Variants in GCNT1 observed in about 807,000 individuals in gnomAD.
GCNT1 encodes beta-1,3-galactosyl-O-glycosyl-glycoprotein beta-1,6-N-acetylglucosaminyltransferase.
GCNT1 carries 16 observed loss-of-function variants against 26.2 expected under a neutral mutation model. The observed-to-expected ratio is 0.61, with a 90% CI of 0.41 to 0.93. GCNT1 has a LOEUF of 0.93. Among genes scored for constraint, GCNT1 ranks in the 40% least tolerant of loss-of-function variants. GCNT1 has a pLI of 0.00. For missense variants in GCNT1, 477 were observed against 526.7 expected (o/e 0.91, Z 0.92); for synonymous variants, 183 against 190.8 (o/e 0.96, Z 0.34).
rs372805511 is a variant in GCNT1 at position 76,502,367 on chromosome 9, T to C, written c.-15T>C. The C allele has an allele frequency of 6.3e-7, 1 of 1,586,942 alleles. No homozygotes were observed. Among genetic ancestry groups the C allele is most frequent in the African/African-American group, 1.3e-5 (1 of 74,270 alleles). On this transcript the variant is annotated 5_prime_UTR_variant, in exon 4 of 4. Transcript: ENST00000376730. The stretch of plus-strand genomic sequence containing the variant: ...GACTGCCCTTCACAAAGGAAATCCC[T>C]GATTATTGTTTGAAATGCTGAGGAC...
intron 1 of GCNT1, among the ~76,000 whole-genome samples, chr9:76,420,379 T>A (rs1823173266): frequency 6.6e-6 from 1 of 152,042 alleles, no homozygotes; most frequent in Non-Finnish European, 1.5e-5. Context: ...GGCCAAGTAA[T>A]CCTCCTCCCT....
chr9:76,441,914 T>A (rs995055982), exon 1 of GCNT1: 4 of 152,224 alleles, frequency 2.6e-5, no homozygotes, highest in Non-Finnish European at 4.4e-5. Context: ...CATGATTTTT[T>A]AAAAACTTAA....
intron 1 of GCNT1, among the ~76,000 whole-genome samples, chr9:76,422,215 G>A (rs1374405158): frequency 1.3e-5 from 2 of 152,012 alleles, no homozygotes; most frequent in African/African-American, 2.4e-5. Context: ...GAGATTATGG[G>A]AATTAAAATT....
chr9:76,467,738 C>T (rs548898744), intron 2 of GCNT1, among the ~76,000 whole-genome samples: 1 of 151,748 alleles, frequency 6.6e-6, no homozygotes, highest in Non-Finnish European at 1.5e-5. Context: ...AAGGCTGAGA[C>T]CAATTGTGTA....
chr9:76,414,708 G>T, the GCNT1 span, among the ~76,000 whole-genome samples: 2 of 152,282 alleles, frequency 1.3e-5, no homozygotes, highest in Non-Finnish European at 2.9e-5. Context: ...GTGCTAGTGG[G>T]AGTGTCTTTT....
At chr9:76,476,469 G>A (rs1824255242) in intron 2 of GCNT1, among the ~76,000 whole-genome samples, 1 of 151,174 alleles carries the variant, frequency 6.6e-6, no homozygotes, top group Non-Finnish European at 1.5e-5. Context: ...TTACTCTTCA[G>A]TGTGGAATTT....
At chr9:76,394,249 C>T in the GCNT1 span, 3 of 1,430,650 alleles carry the variant, frequency 2.1e-6, no homozygotes, top group South Asian at 3.8e-5. Context: ...GCGCCCAGAC[C>T]CCGGACCAGC....
chr9:76,403,807 AAGG>A, the GCNT1 span, among the ~76,000 whole-genome samples: 4 of 152,226 alleles, frequency 2.6e-5, no homozygotes, highest in Admixed American at 6.5e-5. Flanking sequence ...GAAAGAGAAA[AAGG>A]AGGAGAAGAG....
chr9:76,427,123 C>T (rs993494705), intron 1 of GCNT1, among the ~76,000 whole-genome samples: 4 of 151,732 alleles, frequency 2.6e-5, no homozygotes, highest in Non-Finnish European at 5.9e-5. Flanking sequence ...AAAAGATCAT[C>T]TGAGGACACA....
chr9:76,406,517 AAG>A, the GCNT1 span, among the ~76,000 whole-genome samples: 1 of 149,210 alleles, frequency 6.7e-6, no homozygotes, highest in Admixed American at 6.7e-5. Flanking sequence ...AAAAAAAAGA[AAG>A]AAAGAAAAAA....
intron 2 of GCNT1, among the ~76,000 whole-genome samples, chr9:76,469,453 C>G (rs1824079526): frequency 6.6e-6 from 1 of 152,182 alleles, no homozygotes; most frequent in African/African-American, 2.4e-5. Context: ...GGACAATGAT[C>G]AGGACATAAA....
chr9:76,446,480 T>G (rs1199253590), intron 1 of GCNT1, among the ~76,000 whole-genome samples: 1 of 152,230 alleles, frequency 6.6e-6, no homozygotes, highest in Non-Finnish European at 1.5e-5. Flanking sequence ...TCTGATGGTA[T>G]CTATTGCCAA....
the GCNT1 span, among the ~76,000 whole-genome samples, chr9:76,396,812 T>C: frequency 0.94 from 142,699 of 152,314 alleles, 66,871 homozygotes; most frequent in East Asian, 1. Flanking sequence ...GCACTCCATA[T>C]GGGGCAACAG....
the GCNT1 span, among the ~76,000 whole-genome samples, chr9:76,413,652 TG>T: frequency 1.2e-3 from 65 of 53,630 alleles, no homozygotes; most frequent in East Asian, 8.1e-3. Flanking sequence ...TGTTTTGTTT[TG>T]TTTTTTTTTT....
At chr9:76,459,534 G>T (rs1219373686) in intron 1 of GCNT1, among the ~76,000 whole-genome samples, 1 of 152,182 alleles carries the variant, frequency 6.6e-6, no homozygotes, top group Non-Finnish European at 1.5e-5. Flanking sequence ...TGGGACGCCG[G>T]TGCCCCGTGT....
chr9:76,456,167 G>C (rs1823755827), upstream of GCNT1, among the ~76,000 whole-genome samples: 1 of 152,134 alleles, frequency 6.6e-6, no homozygotes, highest in Admixed American at 6.6e-5. Context: ...TTTCCTATAA[G>C]GTTTTGCTTA....
chr9:76,441,440 C>T (rs961252170), upstream of GCNT1, among the ~76,000 whole-genome samples: 1 of 152,222 alleles, frequency 6.6e-6, no homozygotes, highest in Non-Finnish European at 1.5e-5. Flanking sequence ...GCCATCACCA[C>T]TCTCAGCCAG....
the GCNT1 span, chr9:76,398,927 A>T: frequency 6.5e-7 from 1 of 1,535,476 alleles, no homozygotes; most frequent in Non-Finnish European, 8.9e-7. Flanking sequence ...TGTCAGTGTT[A>T]TATCCTCCAG....
At chr9:76,492,768 T>C (rs983718247) in intron 2 of GCNT1, among the ~76,000 whole-genome samples, 4 of 149,968 alleles carry the variant, frequency 2.7e-5, no homozygotes, top group Non-Finnish European at 6.0e-5. Context: ...GTGATTGGCC[T>C]GCTCCATTTT....
Sources: allele counts gnomAD v4.1 joint callset (sites outside exome capture counted in the v4.1 genomes callset), GRCh38; gene constraint gnomAD v4.1.1; transcripts MANE v1.5; gene names NCBI Gene and HGNC (gene_info 2026-07-23, HGNC 2026-07-21).